OR6N1: variants seen among roughly 807,000 people sequenced by gnomAD.
The protein encoded by OR6N1 is olfactory receptor family 6 subfamily N member 1.
For synonymous variants in OR6N1, 170 were observed against 150.7 expected, an observed-to-expected ratio of 1.13 and a Z score of -0.94; for missense variants, 394 against 371.7, an observed-to-expected ratio of 1.06 and a Z score of -0.49.
In OR6N1 at chr1:158,765,672, G is replaced by GT. The variant is rs1657231573; in HGVS notation, c.*71dup. The GT allele has an allele frequency of 4.0e-6, 5 of 1,254,590 alleles. No individual in the cohort carries two copies. The Admixed American group carries it at 1.1e-4, about 27-fold the overall frequency. The allele number at this position is 1,254,590 out of a possible 1,614,324, so 77.7% of individuals were successfully genotyped here. On this transcript the variant is annotated 3_prime_UTR_variant, in exon 2 of 2. Transcript: ENST00000641846. ...AAAAGCACTGAATTTTTAGTTTCTC[G>GT]TCTCTGGCCACTGTTGATCCCTGGG...
the OR6N1 span, among the ~76,000 whole-genome samples, chr1:158,817,247 G>A: frequency 2.0e-5 from 3 of 152,170 alleles, no homozygotes; most frequent in Admixed American, 6.6e-5. Context: ...TCAACTCCGT[G>A]ACCTGCCTCT....
At chr1:158,830,633 C>T in the OR6N1 span, among the ~76,000 whole-genome samples, 1 of 152,180 alleles carries the variant, frequency 6.6e-6, no homozygotes, top group African/African-American at 2.4e-5. Flanking sequence ...GTTTATCAGG[C>T]CCCCTATCAT....
chr1:158,833,092 T>C, the OR6N1 span, among the ~76,000 whole-genome samples: 4 of 152,132 alleles, frequency 2.6e-5, no homozygotes, highest in African/African-American at 9.7e-5. Flanking sequence ...CTGTTAAGAG[T>C]ATGTTCATAT....
chr1:158,783,243 G>T, the OR6N1 span, among the ~76,000 whole-genome samples: 1 of 152,024 alleles, frequency 6.6e-6, no homozygotes, highest in East Asian at 1.9e-4. Flanking sequence ...CAGCTTTCAT[G>T]CCCTGCCTTG....
upstream of OR6N1, chr1:158,776,546 T>C (rs2518524): frequency 0.18 from 95,100 of 516,410 alleles, 10,853 homozygotes; most frequent in South Asian, 0.45. Context: ...ATGTAGAAAA[T>C]GAGAAAATCA....
chr1:158,769,759 G>T (rs1438505483), intron 1 of OR6N1, among the ~76,000 whole-genome samples: 1 of 152,128 alleles, frequency 6.6e-6, no homozygotes, highest in Non-Finnish European at 1.5e-5. Flanking sequence ...CTTAATATAG[G>T]ATGTTTCTCT....
At chr1:158,787,839 C>A in the OR6N1 span, among the ~76,000 whole-genome samples, 22 of 152,104 alleles carry the variant, frequency 1.4e-4, no homozygotes, top group Non-Finnish European at 2.1e-4. Flanking sequence ...CATATTCCCC[C>A]ACAAGTTTTC....
At chr1:158,823,309 G>A in the OR6N1 span, among the ~76,000 whole-genome samples, 2 of 151,984 alleles carry the variant, frequency 1.3e-5, no homozygotes, top group South Asian at 4.1e-4. Context: ...TATATATCTG[G>A]CAGAATTGAG....
the OR6N1 span, among the ~76,000 whole-genome samples, chr1:158,819,254 T>A: frequency 2.6e-5 from 4 of 152,256 alleles, no homozygotes; most frequent in South Asian, 8.3e-4. Flanking sequence ...AAGAAATAGC[T>A]CTAAAATACA....
the OR6N1 span, among the ~76,000 whole-genome samples, chr1:158,815,192 C>T: frequency 6.6e-6 from 1 of 152,122 alleles, no homozygotes; most frequent in Non-Finnish European, 1.5e-5. Context: ...CTCTGTCAAC[C>T]TCATTTAATC....
At chr1:158,793,496 G>C in the OR6N1 span, among the ~76,000 whole-genome samples, 1 of 151,982 alleles carries the variant, frequency 6.6e-6, no homozygotes, top group Non-Finnish European at 1.5e-5. Context: ...TTTATAGTTT[G>C]TTGGTACTTG....
At chr1:158,787,112 A>G in the OR6N1 span, among the ~76,000 whole-genome samples, 1 of 152,022 alleles carries the variant, frequency 6.6e-6, no homozygotes, top group Admixed American at 6.6e-5. Flanking sequence ...TGAATTCCTC[A>G]TGGCTTGGTG....
the OR6N1 span, among the ~76,000 whole-genome samples, chr1:158,791,029 G>C: frequency 1.3e-5 from 2 of 152,118 alleles, no homozygotes; most frequent in African/African-American, 4.8e-5. Flanking sequence ...GATGATCACA[G>C]GTTTTTGTTT....
chr1:158,824,479 T>C, the OR6N1 span, among the ~76,000 whole-genome samples: 1 of 152,210 alleles, frequency 6.6e-6, no homozygotes, highest in East Asian at 1.9e-4. Context: ...TTGTTTCATG[T>C]TCAGTTGTGC....
chr1:158,788,351 G>A, the OR6N1 span, among the ~76,000 whole-genome samples: 1 of 152,066 alleles, frequency 6.6e-6, no homozygotes, highest in African/African-American at 2.4e-5. Flanking sequence ...CAGTATTGCT[G>A]TTAATTTTTA....
Position 158,772,001 on chromosome 1 carries a change from C to G in OR6N1, c.-19+20G>C, listed in dbSNP as rs1306468343. Reference sequence around the variant, plus strand: ...AAGAAGGAATGTGAAGATGAAAATGCCTGCTTGATAAAGTCTTACCTAGAG... The same window carrying G: ...AAGAAGGAATGTGAAGATGAAAATGGCTGCTTGATAAAGTCTTACCTAGAG... On this transcript the variant is annotated intron_variant, in intron 1 of 1. Transcript: ENST00000641846. 1 of 152,162 alleles carries G rather than the reference C, an allele frequency of 6.6e-6. No homozygotes were observed. Among genetic ancestry groups the G allele is most frequent in the Non-Finnish European group, 1.5e-5 (1 of 68,044 alleles). The allele number at this position is 152,162 out of a possible 1,614,324, so 9.4% of individuals were successfully genotyped here.
the OR6N1 span, among the ~76,000 whole-genome samples, chr1:158,838,002 A>G: frequency 3.3e-5 from 5 of 151,646 alleles, no homozygotes; most frequent in Non-Finnish European, 7.4e-5. Context: ...CAGCTCCCCA[A>G]CACATATTTT....
At chr1:158,793,076 G>A in the OR6N1 span, among the ~76,000 whole-genome samples, 1 of 151,656 alleles carries the variant, frequency 6.6e-6, no homozygotes, top group Admixed American at 6.6e-5. Context: ...ACTTTTCTCT[G>A]CTTTTTGCAG....
intron 1 of OR6N1, 55 bp from the exon 2 acceptor site, chr1:158,766,755 A>T: frequency 8.9e-7 from 1 of 1,129,360 alleles, no homozygotes; most frequent in Non-Finnish European, 1.2e-6. Context: ...GGGTTCTAAC[A>T]AGAAGGCAAC....
Sources: allele counts gnomAD v4.1 joint callset (sites outside exome capture counted in the v4.1 genomes callset), GRCh38; gene constraint gnomAD v4.1.1; transcripts MANE v1.5; gene names NCBI Gene and HGNC (gene_info 2026-07-23, HGNC 2026-07-21).